The following KLHL4 variants were observed in gnomAD, a reference collection of about 807,000 sequenced individuals.
The protein encoded by KLHL4 is kelch like family member 4.
KLHL4 carries 17 observed loss-of-function variants against 45.8 expected under a neutral mutation model. The observed-to-expected ratio is 0.37, with a 90% CI of 0.25 to 0.56. KLHL4 has a LOEUF of 0.56. KLHL4 is among the 20% of genes least tolerant of loss of function. KLHL4 has a pLI of 0.79. For missense variants in KLHL4, 544 were observed against 544.9 expected (o/e 1.00, Z 0.02); for synonymous variants, 224 against 189.9 (o/e 1.18, Z -1.47).
At chrX:87,573,989 T>C (rs941804823) in intron 1 of KLHL4, among the ~76,000 whole-genome samples, 4 of 111,691 alleles carry the variant, frequency 3.6e-5, no homozygotes, top group Admixed American at 9.5e-5. Context: ...CATTTAAATA[T>C]GTAAGCTATT....
At chrX:87,537,108 A>G (rs981210090) in intron 1 of KLHL4, among the ~76,000 whole-genome samples, 3 of 111,582 alleles carry the variant, frequency 2.7e-5, no homozygotes, top group South Asian at 3.7e-4. Flanking sequence ...ACAAAGAACA[A>G]TGCTCACTAA....
At position 87,540,696 on chromosome X, in the gene KLHL4, TTA is replaced by T. The variant is rs1931531764; in HGVS notation, c.422+22382_422+22383del. Among the ~76,000 whole-genome samples the T allele has an allele frequency of 2.7e-5, 3 of 111,387 alleles. 1 individual carries two copies. The Admixed American group carries it at 2.9e-4, about 11-fold the overall frequency. ...CCTGAAGGCCCTGCCTGAATCTGCT[TTA>T]GAGTTAACTATTTTTAATAAGTAGA... is the stretch of plus-strand genomic sequence containing the variant. On this transcript the variant is annotated intron_variant, in intron 1 of 10. Coordinates refer to ENST00000373119, the MANE Select transcript of KLHL4 (RefSeq NM_019117.5).
chrX:87,551,205 A>G (rs775639360), intron 1 of KLHL4, among the ~76,000 whole-genome samples: 21 of 111,141 alleles, frequency 1.9e-4, no homozygotes, highest in African/African-American at 6.5e-4. Flanking sequence ...TACCTCTTCT[A>G]TACACTAACA....
At chrX:87,613,804 C>A in intron 1 of KLHL4, 73 bp from the exon 2 acceptor site, 2 of 786,038 alleles carry the variant, frequency 2.5e-6, no homozygotes, top group Non-Finnish European at 3.4e-6. Context: ...TGTTTGTACT[C>A]TCATTAGAGA....
At chrX:87,644,788 CAT>C (rs1471485261) in intron 9 of KLHL4, among the ~76,000 whole-genome samples, 1 of 111,351 alleles carries the variant, frequency 9.0e-6, no homozygotes, top group Non-Finnish European at 1.9e-5. Context: ...CAAACAAAAA[CAT>C]AAAGTGGGAA....
chrX:87,612,650 C>T (rs1053685391), intron 1 of KLHL4, among the ~76,000 whole-genome samples: 1 of 111,855 alleles, frequency 8.9e-6, no homozygotes, highest in African/African-American at 3.2e-5. Flanking sequence ...GCTATAATCA[C>T]ATGTGGTATA....
At chrX:87,545,382 T>C (rs1192082213) in intron 1 of KLHL4, among the ~76,000 whole-genome samples, 1 of 111,284 alleles carries the variant, frequency 9.0e-6, no homozygotes, top group African/African-American at 3.3e-5. Context: ...GTTCCTATGA[T>C]AGTGAATGCG....
chrX:87,600,194 G>A (rs1044818772), intron 1 of KLHL4, among the ~76,000 whole-genome samples: 1 of 111,065 alleles, frequency 9.0e-6, no homozygotes, highest in African/African-American at 3.3e-5. Flanking sequence ...TCATTTAAAA[G>A]TGTGTAGCAC....
At chrX:87,654,200 C>CAAT (rs977713045) in intron 9 of KLHL4, among the ~76,000 whole-genome samples, 1 of 111,346 alleles carries the variant, frequency 9.0e-6, no homozygotes, top group Non-Finnish European at 1.9e-5. Flanking sequence ...CAACATGGAC[C>CAAT]TATTGCAAAG....
chrX:87,609,595 G>T (rs913721689), intron 1 of KLHL4, among the ~76,000 whole-genome samples: 3 of 111,592 alleles, frequency 2.7e-5, no homozygotes, highest in African/African-American at 6.5e-5. Context: ...TTGCCCACTT[G>T]TTGATGGGGT....
chrX:87,547,416 G>A (rs963965136), intron 1 of KLHL4, among the ~76,000 whole-genome samples: 3 of 111,676 alleles, frequency 2.7e-5, no homozygotes, highest in South Asian at 3.7e-4. Context: ...CAGCCATACA[G>A]AACTGTGATT....
chrX:87,570,046 G>C (rs1179260984), intron 1 of KLHL4, among the ~76,000 whole-genome samples: 1 of 111,170 alleles, frequency 9.0e-6, no homozygotes, highest in African/African-American at 3.3e-5. Context: ...TCAAAGTACT[G>C]TGTTAGATAA....
intron 9 of KLHL4, among the ~76,000 whole-genome samples, chrX:87,654,147 A>T (rs1251724846): frequency 2.7e-5 from 3 of 112,070 alleles, no homozygotes; most frequent in African/African-American, 9.7e-5. Flanking sequence ...AAAATAAAAT[A>T]AAATAAAATT....
intron 1 of KLHL4, among the ~76,000 whole-genome samples, chrX:87,579,726 A>C (rs1390365186): frequency 8.9e-6 from 1 of 112,024 alleles, no homozygotes; most frequent in South Asian, 3.7e-4. Flanking sequence ...CAAGAATACT[A>C]TACCTGGCAA....
At chrX:87,544,736 C>A (rs759587873) in intron 1 of KLHL4, among the ~76,000 whole-genome samples, 69 of 111,815 alleles carry the variant, frequency 6.2e-4, no homozygotes, top group Middle Eastern at 9.3e-3. Context: ...AGAACCACAG[C>A]ATTACAGGGT....
intron 1 of KLHL4, among the ~76,000 whole-genome samples, chrX:87,597,523 G>C (rs1213001565): frequency 8.1e-5 from 9 of 111,266 alleles, no homozygotes; most frequent in Admixed American, 6.7e-4. Flanking sequence ...CCAATATTCA[G>C]AAAGTTATTC....
At chrX:87,609,900 C>T (rs1922318205) in intron 1 of KLHL4, among the ~76,000 whole-genome samples, 1 of 111,685 alleles carries the variant, frequency 9.0e-6, no homozygotes, top group Non-Finnish European at 1.9e-5. Context: ...TCACACATTA[C>T]TCCAAGGACA....
chrX:87,534,303 A>G (rs1347515838), intron 1 of KLHL4, among the ~76,000 whole-genome samples: 1 of 110,948 alleles, frequency 9.0e-6, no homozygotes, highest in Non-Finnish European at 1.9e-5. Context: ...AATTTGACTT[A>G]TTGGTTTGGG....
intron 4 of KLHL4, among the ~76,000 whole-genome samples, chrX:87,619,575 A>G (rs1922679747): frequency 8.9e-6 from 1 of 112,130 alleles, no homozygotes; most frequent in South Asian, 3.7e-4. Flanking sequence ...ACCACAAAAA[A>G]TAAACATGAA....
Sources: allele counts gnomAD v4.1 joint callset (sites outside exome capture counted in the v4.1 genomes callset), GRCh38; gene constraint gnomAD v4.1.1; transcripts MANE v1.5; gene names NCBI Gene and HGNC (gene_info 2026-07-23, HGNC 2026-07-21).